EPHA6: variants seen among roughly 807,000 people sequenced by gnomAD.
EPHA6 encodes EPH receptor A6.
EPHA6 carries 50 observed loss-of-function variants against 112.0 expected under a neutral mutation model. The ratio of observed to expected loss-of-function variants is 0.45; its 90% confidence interval spans 0.36 to 0.56. The LOEUF is 0.56. EPHA6 is among the 20% of genes least tolerant of loss of function. The pLI, the probability that EPHA6 is intolerant of heterozygous loss-of-function variation, is 0.00. For synonymous variants in EPHA6, 529 were observed against 490.7 expected (o/e 1.08, Z -1.03); for missense variants, 1,280 against 1,417.4 (o/e 0.90, Z 1.56).
rs112176155 is a variant in EPHA6 at position 97,005,055 on chromosome 3, C to T, written c.1114+17062C>T. Reference sequence around the variant, plus strand: ...TTGATATCAGGTAGTGTGATGCCTCCAGCTTTGTTCTTTTTGCTTAGGATT... The same window carrying T: ...TTGATATCAGGTAGTGTGATGCCTCTAGCTTTGTTCTTTTTGCTTAGGATT... On this transcript the variant is annotated intron_variant, in intron 3 of 17. Coordinates refer to ENST00000389672, the MANE Select transcript of EPHA6 (RefSeq NM_001080448.3). Among the ~76,000 whole-genome samples, 768 of 152,284 alleles carry T rather than the reference C, an allele frequency of 5.0e-3. 6 individuals carry two copies. Among genetic ancestry groups the T allele is most frequent in the African/African-American group, 0.017 (697 of 41,572 alleles).
At chr3:97,052,513 C>T (rs377693429) in intron 3 of EPHA6, among the ~76,000 whole-genome samples, 3 of 152,184 alleles carry the variant, frequency 2.0e-5, no homozygotes, top group East Asian at 3.9e-4. Context: ...ATGTCTGCAA[C>T]ATAGTCGCCA....
intron 2 of EPHA6, among the ~76,000 whole-genome samples, chr3:96,957,633 A>C (rs974721535): frequency 6.6e-6 from 1 of 152,164 alleles, no homozygotes; most frequent in Non-Finnish European, 1.5e-5. Flanking sequence ...TACATAATCA[A>C]CTCACATTGG....
chr3:97,125,910 T>C (rs1416517193), intron 3 of EPHA6, among the ~76,000 whole-genome samples: 2 of 152,126 alleles, frequency 1.3e-5, no homozygotes, highest in Non-Finnish European at 2.9e-5. Flanking sequence ...GTAAAGACCA[T>C]TGATGTAGTT....
At chr3:97,123,640 G>T (rs1357317957) in intron 3 of EPHA6, among the ~76,000 whole-genome samples, 1 of 152,100 alleles carries the variant, frequency 6.6e-6, no homozygotes, top group African/African-American at 2.4e-5. Context: ...GAATCAAAAG[G>T]ATAGTTTGAA....
At chr3:97,078,443 G>A (rs912754560) in intron 3 of EPHA6, among the ~76,000 whole-genome samples, 2 of 151,994 alleles carry the variant, frequency 1.3e-5, no homozygotes, top group African/African-American at 4.8e-5. Context: ...CATTGCTTTT[G>A]GTGTTTTAGT....
intron 3 of EPHA6, among the ~76,000 whole-genome samples, chr3:97,043,503 T>C (rs944242644): frequency 6.6e-6 from 1 of 152,146 alleles, no homozygotes; most frequent in Non-Finnish European, 1.5e-5. Context: ...TGATGCTCTT[T>C]AGGAAATACT....
In EPHA6 at chr3:97,641,466, G is replaced by A. The variant is rs575420686; in HGVS notation, c.2784+3384G>A. Among the ~76,000 whole-genome samples the A allele has an allele frequency of 3.9e-5, 6 of 152,318 alleles. No individual in the cohort carries two copies. In the East Asian group the frequency reaches 1.2e-3, roughly 29 times the overall value. ...AGATGGCTGAATAGGAATAGCTCCG[G>A]TCTACAGCTCCCAGCGTGAGCGACG... On this transcript the variant is annotated intron_variant, in intron 14 of 17. Transcript: ENST00000389672.
intron 10 of EPHA6, among the ~76,000 whole-genome samples, chr3:97,492,534 T>C (rs1577564438): frequency 1.7e-5 from 1 of 58,860 alleles, no homozygotes. Flanking sequence ...AGAGCGAGAG[T>C]GAGACTCAGT....
At chr3:96,950,630 AC>A (rs1576146909) in intron 2 of EPHA6, among the ~76,000 whole-genome samples, 1 of 152,018 alleles carries the variant, frequency 6.6e-6, no homozygotes, top group African/African-American at 2.4e-5. Context: ...TTCCAAAGAT[AC>A]TCTTTTGCTT....
chr3:97,118,718 G>A (rs1313394354), intron 3 of EPHA6, among the ~76,000 whole-genome samples: 1 of 151,812 alleles, frequency 6.6e-6, no homozygotes, highest in Non-Finnish European at 1.5e-5. Context: ...ATGATCTTGG[G>A]AAAATTACTT....
At chr3:97,182,579 A>C (rs976962180) in intron 3 of EPHA6, among the ~76,000 whole-genome samples, 2 of 152,026 alleles carry the variant, frequency 1.3e-5, no homozygotes, top group Non-Finnish European at 2.9e-5. Context: ...TTTAAGGAGG[A>C]TTAATGAAGG....
chr3:97,060,128 CA>C (rs1283006949), intron 3 of EPHA6, among the ~76,000 whole-genome samples: 6 of 151,942 alleles, frequency 3.9e-5, no homozygotes, highest in African/African-American at 1.4e-4. Flanking sequence ...CTCAAACAAA[CA>C]AAAAACAAAA....
chr3:97,324,433 CTTTCTT>C (rs1553746337), intron 5 of EPHA6, among the ~76,000 whole-genome samples: 3 of 145,506 alleles, frequency 2.1e-5, no homozygotes, highest in African/African-American at 7.8e-5. Context: ...TTCTTTCTTT[CTTTCTT>C]TCTTTCTTTC....
chr3:97,067,322 TA>T (rs931296579), intron 3 of EPHA6, among the ~76,000 whole-genome samples: 7 of 152,106 alleles, frequency 4.6e-5, no homozygotes, highest in Non-Finnish European at 8.8e-5. Context: ...CACAGGTGAG[TA>T]AAAGACAATC....
intron 3 of EPHA6, among the ~76,000 whole-genome samples, chr3:97,074,304 G>C (rs956206987): frequency 1.3e-5 from 2 of 151,914 alleles, no homozygotes; most frequent in Non-Finnish European, 2.9e-5. Flanking sequence ...TAGTATGTCA[G>C]TCAGCACATA....
chr3:97,576,040 G>T (rs1405827704), intron 11 of EPHA6, among the ~76,000 whole-genome samples: 3 of 152,072 alleles, frequency 2.0e-5, no homozygotes, highest in Non-Finnish European at 4.4e-5. Flanking sequence ...GTCTTTTCAT[G>T]AAGATAAGGA....
intron 14 of EPHA6, among the ~76,000 whole-genome samples, chr3:97,711,947 G>A (rs1576334408): frequency 6.6e-6 from 1 of 152,208 alleles, no homozygotes; most frequent in South Asian, 2.1e-4. Context: ...AGAAAGCAAA[G>A]TACCCACTCT....
intron 1 of EPHA6, among the ~76,000 whole-genome samples, chr3:96,845,148 G>A (rs560711849): frequency 6.6e-6 from 1 of 151,994 alleles, no homozygotes; most frequent in South Asian, 2.1e-4. Flanking sequence ...AGGAAAGCAG[G>A]TTTTATGATC....
At chr3:97,222,462 A>G (rs1402382623) in intron 3 of EPHA6, among the ~76,000 whole-genome samples, 3 of 152,210 alleles carry the variant, frequency 2.0e-5, no homozygotes, top group African/African-American at 7.2e-5. Flanking sequence ...TATCCAATTT[A>G]TATATGTATT....
Sources: gnomAD v4.1 joint callset for allele counts (sites outside exome capture counted in the v4.1 genomes callset) on GRCh38, gnomAD v4.1.1 for gene constraint, MANE v1.5 for transcripts, NCBI Gene and HGNC (gene_info 2026-07-23, HGNC 2026-07-21) for gene names.